Variants in PRR16 observed in about 807,000 individuals in gnomAD.
PRR16 encodes proline rich 16, also known as protein Largen.
Under a neutral mutation model 18.2 loss-of-function variants are expected in PRR16, and 6 were observed. The observed-to-expected ratio is 0.33, with a 90% confidence interval of 0.18 to 0.65. The LOEUF (loss-of-function observed/expected upper bound fraction) is 0.65. Ranked by LOEUF, PRR16 falls within the 30% of genes least tolerant of loss-of-function variation. PRR16 has a pLI of 0.74. For synonymous variants in PRR16, 151 were observed against 147.8 expected, an observed-to-expected ratio of 1.02 and a Z score of -0.16; for missense variants, 412 against 376.6, an observed-to-expected ratio of 1.09 and a Z score of -0.78.
At chr5:120,776,662 T>C in the PRR16 span, among the ~76,000 whole-genome samples, 3 of 149,698 alleles carry the variant, frequency 2.0e-5, no homozygotes, top group Admixed American at 2.0e-4. Flanking sequence ...TTTAAAATCA[T>C]TTATTTCAAA....
At chr5:120,755,177 A>C in the PRR16 span, among the ~76,000 whole-genome samples, 14 of 152,034 alleles carry the variant, frequency 9.2e-5, no homozygotes, top group East Asian at 2.7e-3. Flanking sequence ...GTACCCTAAA[A>C]CTTAGAGTAT....
intron 1 of PRR16, among the ~76,000 whole-genome samples, chr5:120,508,523 C>T (rs1469913820): frequency 6.6e-6 from 1 of 151,942 alleles, no homozygotes; most frequent in Non-Finnish European, 1.5e-5. Flanking sequence ...GGGTAACAAC[C>T]CAGGAAGCCT....
intron 1 of PRR16, among the ~76,000 whole-genome samples, chr5:120,554,929 G>A (rs1752363722): frequency 1.3e-5 from 2 of 151,870 alleles, no homozygotes; most frequent in Admixed American, 6.6e-5. Context: ...TAAGGGGAAG[G>A]CATGAGAGAG....
chr5:120,737,953 T>G, the PRR16 span, among the ~76,000 whole-genome samples: 1 of 152,176 alleles, frequency 6.6e-6, no homozygotes, highest in South Asian at 2.1e-4. Flanking sequence ...TAACACAATA[T>G]TGATGTTGAG....
chr5:120,607,537 T>G (rs889569591), intron 1 of PRR16, among the ~76,000 whole-genome samples: 1 of 152,178 alleles, frequency 6.6e-6, no homozygotes, highest in African/African-American at 2.4e-5. Context: ...TGAATATGGA[T>G]GCTGCAGTAG....
chr5:120,699,006 C>A, the PRR16 span, among the ~76,000 whole-genome samples: 3 of 152,082 alleles, frequency 2.0e-5, no homozygotes, highest in African/African-American at 7.2e-5. Context: ...TTCTCAGACC[C>A]TGTAGGAAAG....
At chr5:120,777,099 C>T in the PRR16 span, among the ~76,000 whole-genome samples, 1 of 151,920 alleles carries the variant, frequency 6.6e-6, no homozygotes. Context: ...CATAGAGAAC[C>T]TCTATGAGAA....
the PRR16 span, among the ~76,000 whole-genome samples, chr5:120,708,768 T>C: frequency 1.3e-5 from 2 of 152,024 alleles, no homozygotes; most frequent in African/African-American, 4.8e-5. Context: ...TTTTAAGAGT[T>C]TGTGGAAATT....
At chr5:120,776,781 G>A in the PRR16 span, among the ~76,000 whole-genome samples, 5 of 151,810 alleles carry the variant, frequency 3.3e-5, no homozygotes, top group African/African-American at 1.2e-4. Flanking sequence ...GCAGAATAGG[G>A]TCAAAATTAA....
At chr5:120,754,898 TTTAC>T in the PRR16 span, among the ~76,000 whole-genome samples, 1 of 151,386 alleles carries the variant, frequency 6.6e-6, no homozygotes, top group African/African-American at 2.4e-5. Context: ...GTGAAAATAT[TTTAC>T]TTGATAATGC....
At chr5:120,692,351 C>T in the PRR16 span, among the ~76,000 whole-genome samples, 1 of 152,154 alleles carries the variant, frequency 6.6e-6, no homozygotes, top group Non-Finnish European at 1.5e-5. Context: ...ATCTTTAGAG[C>T]AGGAGTCTCA....
intron 1 of PRR16, among the ~76,000 whole-genome samples, chr5:120,521,248 T>G (rs300958): frequency 0.59 from 89,220 of 150,050 alleles, 28,255 homozygotes; most frequent in East Asian, 0.95. Flanking sequence ...TTGTGTGTGT[T>G]TTTTTTTAAT....
At chr5:120,555,270 A>G (rs963960266) in intron 1 of PRR16, among the ~76,000 whole-genome samples, 11 of 151,940 alleles carry the variant, frequency 7.2e-5, no homozygotes, top group Non-Finnish European at 1.3e-4. Context: ...GATTTATTTG[A>G]AAAGAATCGA....
chr5:120,604,967 TTTG>T (rs1024377133), intron 1 of PRR16, among the ~76,000 whole-genome samples: 2 of 152,164 alleles, frequency 1.3e-5, no homozygotes, highest in Non-Finnish European at 2.9e-5. Flanking sequence ...CTTTAAGATT[TTTG>T]TTGTTGTTGT....
At chr5:120,777,917 T>C in the PRR16 span, among the ~76,000 whole-genome samples, 1 of 152,128 alleles carries the variant, frequency 6.6e-6, no homozygotes, top group Non-Finnish European at 1.5e-5. Flanking sequence ...GAACCAAAAA[T>C]ACATTGAGAA....
chr5:120,779,612 G>C, the PRR16 span, among the ~76,000 whole-genome samples: 8 of 151,984 alleles, frequency 5.3e-5, no homozygotes, highest in Non-Finnish European at 1.2e-4. Flanking sequence ...TTTCTAAATT[G>C]GGTCTTTTAG....
chr5:120,592,384 C>T (rs1036811934), intron 1 of PRR16, among the ~76,000 whole-genome samples: 3 of 152,250 alleles, frequency 2.0e-5, no homozygotes, highest in Admixed American at 6.5e-5. Flanking sequence ...ATAGTAAATG[C>T]AACTAAGTTG....
At chr5:120,551,838 G>C (rs1307086215) in intron 1 of PRR16, among the ~76,000 whole-genome samples, 3 of 151,940 alleles carry the variant, frequency 2.0e-5, no homozygotes, top group African/African-American at 7.2e-5. Flanking sequence ...TGGTAGAACA[G>C]GGTCTCTTGC....
intron 1 of PRR16, among the ~76,000 whole-genome samples, chr5:120,498,180 A>T (rs1750324079): frequency 6.6e-6 from 1 of 150,838 alleles, no homozygotes; most frequent in African/African-American, 2.4e-5. Flanking sequence ...TTATTTAGAG[A>T]TCTATTTTGA....
Sources: allele counts gnomAD v4.1 joint callset (sites outside exome capture counted in the v4.1 genomes callset), GRCh38; gene constraint gnomAD v4.1.1; transcripts MANE v1.5; gene names NCBI Gene and HGNC (gene_info 2026-07-23, HGNC 2026-07-21).